Variants in BACH2 observed in about 807,000 individuals in gnomAD.
BACH2 encodes the protein BACH transcriptional regulator 2, also known as transcription regulator protein BACH2.
In BACH2, 5 loss-of-function variants were observed where a neutral mutation model predicts 61.8. The ratio of observed to expected loss-of-function variants is 0.08; its 90% CI spans 0.04 to 0.17. BACH2 has a LOEUF of 0.17. BACH2 is among the 10% of genes least tolerant of loss of function. BACH2 has a pLI of 1.00. For missense variants in BACH2, 824 were observed against 1,091.1 expected, an observed-to-expected ratio of 0.76 and a Z score of 3.45; for synonymous variants, 446 against 440.1, an observed-to-expected ratio of 1.01 and a Z score of -0.17.
chr6:89,979,980 T>C (rs1401907768), intron 6 of BACH2, among the ~76,000 whole-genome samples: 2 of 152,224 alleles, frequency 1.3e-5, no homozygotes, highest in Non-Finnish European at 2.9e-5. Context: ...TACAGTCATA[T>C]AACTTGTGTA....
intron 5 of BACH2, among the ~76,000 whole-genome samples, chr6:90,074,269 T>C (rs1171945714): frequency 2.0e-5 from 3 of 152,218 alleles, no homozygotes; most frequent in Non-Finnish European, 2.9e-5. Flanking sequence ...TAAATTCTTA[T>C]AGCCTTATGT....
chr6:90,237,661 C>A (rs1309991792), intron 3 of BACH2, among the ~76,000 whole-genome samples: 8 of 152,234 alleles, frequency 5.3e-5, no homozygotes, highest in African/African-American at 1.7e-4. Flanking sequence ...GGAATCTCTT[C>A]TGTACCTCTG....
At chr6:90,023,725 G>A (rs1312282532) in intron 5 of BACH2, among the ~76,000 whole-genome samples, 1 of 152,048 alleles carries the variant, frequency 6.6e-6, no homozygotes, top group Non-Finnish European at 1.5e-5. Flanking sequence ...CTCACGAATG[G>A]GATTAATGTC....
At chr6:90,076,062 T>C (rs557782140) in intron 5 of BACH2, among the ~76,000 whole-genome samples, 2 of 152,020 alleles carry the variant, frequency 1.3e-5, no homozygotes, top group Admixed American at 6.6e-5. Flanking sequence ...GCGAAAAAAA[T>C]GATTTTTCTC....
At chr6:90,212,579 C>T (rs908394640) in intron 3 of BACH2, among the ~76,000 whole-genome samples, 2 of 152,188 alleles carry the variant, frequency 1.3e-5, no homozygotes, top group African/African-American at 4.8e-5. Context: ...GCTGCCTTCA[C>T]AGCATACCAT....
intron 6 of BACH2, among the ~76,000 whole-genome samples, chr6:89,952,399 C>A (rs1188099052): frequency 2.0e-5 from 3 of 152,182 alleles, no homozygotes; most frequent in African/African-American, 7.2e-5. Flanking sequence ...ATTAAAACAA[C>A]TCCTGTTTTG....
chr6:89,961,760 C>T (rs547226239), intron 6 of BACH2, among the ~76,000 whole-genome samples: 31 of 152,286 alleles, frequency 2.0e-4, no homozygotes, highest in African/African-American at 7.0e-4. Context: ...AACCACACTG[C>T]CTGCGACTAC....
chr6:90,045,745 G>A lies in BACH2; in HGVS notation c.-12-36889C>T, dbSNP rs146142622. On this transcript the variant is annotated intron_variant, in intron 5 of 8. Coordinates refer to ENST00000257749, the MANE Select transcript of BACH2 (RefSeq NM_021813.4). Reference sequence around the variant, plus strand: ...TCCCATGTAAAAACACTAAAAGGATGGTGATGCAAGAGGTATCCCACTGTG... The same window carrying A: ...TCCCATGTAAAAACACTAAAAGGATAGTGATGCAAGAGGTATCCCACTGTG... 2.9e-3 allele frequency among the ~76,000 whole-genome samples: 439 copies of A among 152,260 alleles called. 6 individuals are homozygous for A. Among genetic ancestry groups the A allele is most frequent in the African/African-American group, 0.01 (418 of 41,544 alleles).
At chr6:90,073,777 A>G (rs1781350884) in intron 5 of BACH2, among the ~76,000 whole-genome samples, 2 of 152,222 alleles carry the variant, frequency 1.3e-5, no homozygotes, top group South Asian at 4.1e-4. Context: ...AGCAAATTCA[A>G]TTAAAATTTC....
chr6:90,214,533 A>C (rs1769464347), intron 3 of BACH2, among the ~76,000 whole-genome samples: 1 of 152,162 alleles, frequency 6.6e-6, no homozygotes, highest in Non-Finnish European at 1.5e-5. Flanking sequence ...CTAATTAAGG[A>C]ACTAAAATAT....
rs1162303607 is a variant in BACH2, at chr6:89,932,768, C to T, written c.2166G>A (p.Gln722=). The stretch of plus-strand genomic sequence containing the variant: ...GGCAATACCGATGCAGGGCCTGGAT[C>T]TGCTCGGGGCTCTGGATGTCTCGGC... The part of the protein sequence containing the change: ...EVCRDIQSPE[Q]IQALHRYCPV... The change falls in exon 9 of 9, where the codon CAG becomes CAA. Residue 722 remains glutamine (Q), a synonymous_variant. Transcript: ENST00000257749. 4 of 1,613,954 alleles carry T rather than the reference C, an allele frequency of 2.5e-6. No individual in the cohort carries two copies. The highest frequency in any genetic ancestry group is 3.4e-6 in the Non-Finnish European group (4 of 1,179,822).
At chr6:90,104,210 T>C (rs1197084763) in intron 4 of BACH2, among the ~76,000 whole-genome samples, 1 of 152,216 alleles carries the variant, frequency 6.6e-6, no homozygotes, top group East Asian at 1.9e-4. Flanking sequence ...AGTTTCTTTG[T>C]CCAGGTCTCA....
intron 4 of BACH2, among the ~76,000 whole-genome samples, chr6:90,178,381 T>C (rs1232362403): frequency 6.6e-6 from 1 of 152,070 alleles, no homozygotes; most frequent in Admixed American, 6.5e-5. Flanking sequence ...CTGTTCCCAC[T>C]AGAAACAAAA....
intron 4 of BACH2, among the ~76,000 whole-genome samples, chr6:90,101,426 T>C (rs1221659953): frequency 6.6e-6 from 1 of 152,226 alleles, no homozygotes; most frequent in East Asian, 1.9e-4. Context: ...TGGTGTAAGG[T>C]ATAAGTCCAA....
At chr6:90,144,882 C>T (rs1287956503) in intron 4 of BACH2, among the ~76,000 whole-genome samples, 1 of 152,138 alleles carries the variant, frequency 6.6e-6, no homozygotes, top group South Asian at 2.1e-4. Flanking sequence ...ACTTCTCTTC[C>T]ATTAACCAAC....
Position 90,102,839 on chromosome 6 carries a change from T to TAATAATAATAATAATAAA in BACH2, c.-161-13731_-161-13730insTTTATTATTATTATTATT, listed in dbSNP as rs751278080. On this transcript the variant is annotated intron_variant, in intron 4 of 8. Coordinates refer to ENST00000257749, the MANE Select transcript of BACH2 (RefSeq NM_021813.4). ...ATAATAATAATAATAATAATAATAATAAAAATAAAAGGACCTTCCATTCAG... is the reference window on the plus strand; with the variant it reads ...ATAATAATAATAATAATAATAATAATAATAATAATAATAATAAAAAAAATAAAAGGACCTTCCATTCAG... Among the ~76,000 whole-genome samples the TAATAATAATAATAATAAA allele has an allele frequency of 6.5e-5, 8 of 122,218 alleles. No homozygotes were observed. The South Asian group carries it at 8.9e-4, about 14-fold the overall frequency. 80.2% of individuals were successfully genotyped at this position (122,218 alleles called of 152,430 possible).
At chr6:90,258,051 A>G (rs1478695801) in intron 2 of BACH2, among the ~76,000 whole-genome samples, 2 of 152,224 alleles carry the variant, frequency 1.3e-5, no homozygotes, top group African/African-American at 2.4e-5. Flanking sequence ...CCGGGATTAC[A>G]GGCGTGAGCC....
At chr6:89,979,196 A>C (rs1227003728) in intron 6 of BACH2, among the ~76,000 whole-genome samples, 2 of 152,208 alleles carry the variant, frequency 1.3e-5, no homozygotes, top group African/African-American at 4.8e-5. Context: ...CTGGCATTCA[A>C]GGCTTCAGGG....
chr6:90,047,583 C>T (rs548302004), intron 5 of BACH2, among the ~76,000 whole-genome samples: 43 of 152,264 alleles, frequency 2.8e-4, no homozygotes, highest in South Asian at 1.9e-3. Context: ...TGAGCACCTT[C>T]GAGTGTCCGC....
Sources: allele counts gnomAD v4.1 joint callset (sites outside exome capture counted in the v4.1 genomes callset), GRCh38; gene constraint gnomAD v4.1.1; transcripts MANE v1.5; gene names NCBI Gene and HGNC (gene_info 2026-07-23, HGNC 2026-07-21).